Variants in PAK1 observed in about 807,000 individuals in gnomAD.
The protein encoded by PAK1 is p21 (RAC1) activated kinase 1.
Under a neutral mutation model 67.4 loss-of-function variants are expected in PAK1, and 29 were observed. The ratio of observed to expected loss-of-function variants is 0.43; its 90% CI spans 0.32 to 0.59. The LOEUF is 0.59. Among genes scored for constraint, PAK1 ranks in the 20% least tolerant of loss-of-function variants. The probability of loss-of-function intolerance (pLI) is 0.07; values close to 1 mark genes in which losing one functional copy is unlikely to be tolerated. For missense variants in PAK1, 337 were observed against 670.7 expected, an observed-to-expected ratio of 0.50 and a Z score of 5.50; for synonymous variants, 223 against 237.4, an observed-to-expected ratio of 0.94 and a Z score of 0.56.
chr11:77,440,883 GCTCCTCCCACCTCTACCTC>G (rs1265820262), intron 1 of PAK1, among the ~76,000 whole-genome samples: 40 of 150,998 alleles, frequency 2.6e-4, no homozygotes, highest in Admixed American at 2.6e-3. Context: ...ACCTCTACCT[GCTCCTCCCACCTCTACCTC>G]CTCCATTAGT....
chr11:77,349,137 A>C lies in PAK1; in HGVS notation c.885+102T>G, dbSNP rs1382873561. On this transcript the variant is annotated intron_variant, in intron 9 of 14. Transcript: ENST00000356341. Reference sequence around the variant, plus strand: ...GAGACCCCATCCCAAAAAAAAAAAAAAAAACCTAGAACTGTTCCTGTTGAC... The same window carrying C: ...GAGACCCCATCCCAAAAAAAAAAAACAAAACCTAGAACTGTTCCTGTTGAC... The C allele has an allele frequency of 2.2e-5, 19 of 850,878 alleles. No homozygotes were observed. In the East Asian group the frequency reaches 3.2e-4, roughly 14 times the overall value. The allele number at this position is 850,878 out of a possible 1,614,324, so 52.7% of individuals were successfully genotyped here. A position where few individuals can be genotyped will look rare whatever the true frequency, so the allele number is the denominator to read the frequency against.
chr11:77,362,431 G>A (rs969242750), intron 5 of PAK1, among the ~76,000 whole-genome samples: 1 of 140,112 alleles, frequency 7.1e-6, no homozygotes, highest in African/African-American at 3.3e-5. Flanking sequence ...CAATATCACT[G>A]GCTACTTTAT....
chr11:77,477,318 T>G (rs943088606), upstream of PAK1, among the ~76,000 whole-genome samples: 1 of 152,088 alleles, frequency 6.6e-6, no homozygotes, highest in Non-Finnish European at 1.5e-5. Flanking sequence ...AAGAGTTGAG[T>G]TCCTGTGGCA....
At chr11:77,496,742 G>A in the PAK1 span, among the ~76,000 whole-genome samples, 1 of 152,170 alleles carries the variant, frequency 6.6e-6, no homozygotes, top group South Asian at 2.1e-4. Flanking sequence ...AGACCAGCCT[G>A]GCCAATATGG....
chr11:77,419,218 A>G (rs754434706), intron 1 of PAK1, among the ~76,000 whole-genome samples: 21 of 152,248 alleles, frequency 1.4e-4, no homozygotes, highest in Middle Eastern at 3.2e-3. Flanking sequence ...AAATGAGGTA[A>G]AAGCAACTTT....
intron 1 of PAK1, among the ~76,000 whole-genome samples, chr11:77,394,203 T>C (rs991091216): frequency 1.3e-5 from 2 of 152,118 alleles, no homozygotes; most frequent in African/African-American, 2.4e-5. Context: ...CTCTTTGGAG[T>C]TAAACACAAC....
chr11:77,459,209 A>G (rs140043861), intron 1 of PAK1, among the ~76,000 whole-genome samples: 7 of 152,318 alleles, frequency 4.6e-5, no homozygotes, highest in Admixed American at 4.6e-4. Flanking sequence ...TATCCTATAA[A>G]CAATGGAGAC....
At position 77,381,135 on chromosome 11, in the gene PAK1, C is replaced by G. The variant is rs1278404932; in HGVS notation, c.191-1141G>C. 7.4e-5 allele frequency among the ~76,000 whole-genome samples: 10 copies of G among 136,038 alleles called. No individual in the cohort carries two copies. In the East Asian group the frequency reaches 2.0e-3, roughly 27 times the overall value. 89.2% of individuals were successfully genotyped at this position (136,038 alleles called of 152,430 possible). A position where few individuals can be genotyped will look rare whatever the true frequency, so the allele number is the denominator to read the frequency against. On this transcript the variant is annotated intron_variant, in intron 2 of 14. Transcript: ENST00000356341. ...AGCCAGTTTCACCTCTACCTCACCA[C>G]AGAGTGTGTGTGTGTGTGTGTGTGT...
intron 9 of PAK1, 106 bp from the exon 10 acceptor site, chr11:77,344,037 A>G (rs1205209826): frequency 1.3e-6 from 1 of 759,094 alleles, no homozygotes; most frequent in Non-Finnish European, 2.3e-6. Context: ...TGAGTAAGAT[A>G]CAGTCTTAGC....
intron 2 of PAK1, among the ~76,000 whole-genome samples, chr11:77,389,087 T>C (rs1277184804): frequency 6.6e-6 from 1 of 152,202 alleles, no homozygotes; most frequent in African/African-American, 2.4e-5. Flanking sequence ...TAGTTTTAAT[T>C]GCCTCTCCCT....
the PAK1 span, among the ~76,000 whole-genome samples, chr11:77,489,424 CT>C: frequency 6.8e-6 from 1 of 148,056 alleles, no homozygotes; most frequent in African/African-American, 2.5e-5. Context: ...TCTCCTCTCT[CT>C]CTCCCCTCTC....
chr11:77,323,474 T>C (rs1938862633), intron 14 of PAK1, 114 bp from the exon 15 acceptor site: 1 of 734,672 alleles, frequency 1.4e-6, no homozygotes, highest in Non-Finnish European at 2.4e-6. Context: ...GGAAAGCTTC[T>C]GATCATCCCC....
At chr11:77,490,253 C>T in the PAK1 span, among the ~76,000 whole-genome samples, 352 of 151,042 alleles carry the variant, frequency 2.3e-3, 3 homozygotes, top group African/African-American at 8.2e-3. Context: ...CGTCTCCGCC[C>T]GGCCAGCCGC....
chr11:77,334,511 CAG>C (rs1245008095), intron 13 of PAK1, among the ~76,000 whole-genome samples: 1 of 152,194 alleles, frequency 6.6e-6, no homozygotes, highest in East Asian at 1.9e-4. Flanking sequence ...TAAAAGCAAT[CAG>C]AATAAATTTC....
intron 1 of PAK1, among the ~76,000 whole-genome samples, chr11:77,435,932 G>C (rs1260891321): frequency 6.6e-6 from 1 of 152,096 alleles, no homozygotes; most frequent in East Asian, 1.9e-4. Flanking sequence ...ACAAACTAAA[G>C]GGAAAATGAG....
At chr11:77,457,761 A>G (rs1380641945) in intron 1 of PAK1, among the ~76,000 whole-genome samples, 6 of 152,260 alleles carry the variant, frequency 3.9e-5, no homozygotes, top group African/African-American at 1.4e-4. Flanking sequence ...ACTGAGGCAG[A>G]GAACAGATTC....
the PAK1 span, among the ~76,000 whole-genome samples, chr11:77,492,867 T>C: frequency 6.6e-6 from 1 of 152,140 alleles, no homozygotes; most frequent in Non-Finnish European, 1.5e-5. Context: ...TTGATCCTGC[T>C]CTGGCCATGT....
At chr11:77,451,183 A>G (rs1349021077) in intron 1 of PAK1, among the ~76,000 whole-genome samples, 1 of 152,254 alleles carries the variant, frequency 6.6e-6, no homozygotes, top group Non-Finnish European at 1.5e-5. Flanking sequence ...ATGCTACCCC[A>G]AAATATGACA....
intron 10 of PAK1, among the ~76,000 whole-genome samples, chr11:77,341,983 A>T (rs1458594585): frequency 6.6e-6 from 1 of 152,148 alleles, no homozygotes; most frequent in Non-Finnish European, 1.5e-5. Context: ...GACTATGGGG[A>T]TTTGAACTGC....
Sources: gnomAD v4.1 joint callset for allele counts (sites outside exome capture counted in the v4.1 genomes callset) on GRCh38, gnomAD v4.1.1 for gene constraint, MANE v1.5 for transcripts, NCBI Gene and HGNC (gene_info 2026-07-23, HGNC 2026-07-21) for gene names.